The following NCK2 variants were observed in gnomAD, a reference collection of about 807,000 sequenced individuals.
NCK2 encodes the protein NCK adaptor protein 2, also known as cytoplasmic protein NCK2.
Under a neutral mutation model 33.9 loss-of-function variants are expected in NCK2, and 16 were observed. The ratio of observed to expected loss-of-function variants is 0.47; its 90% confidence interval spans 0.32 to 0.72. The LOEUF (loss-of-function observed/expected upper bound fraction) is 0.72. NCK2 is among the 30% of genes least tolerant of loss of function. The probability of loss-of-function intolerance (pLI) is 0.03; values close to 1 mark genes in which losing one functional copy is unlikely to be tolerated. For synonymous variants in NCK2, 273 were observed against 239.9 expected (o/e 1.14, Z -1.27); for missense variants, 418 against 537.3 (o/e 0.78, Z 2.19).
At position 105,779,786 on chromosome 2, in the gene NCK2, C is replaced by T. The variant is rs545833145; in HGVS notation, c.-201+34648C>T. On this transcript the variant is annotated intron_variant, in intron 1 of 4. Coordinates refer to ENST00000233154, the MANE Select transcript of NCK2 (RefSeq NM_003581.5). ...CTCACATACATATACATAGTAATTCCCTAGCAGAAATGTAGCTTTGTAGAG... is the reference window on the plus strand; with the variant it reads ...CTCACATACATATACATAGTAATTCTCTAGCAGAAATGTAGCTTTGTAGAG... 2.0e-5 allele frequency among the ~76,000 whole-genome samples: 3 copies of T among 152,218 alleles called. No homozygotes were observed. In the South Asian group the frequency reaches 6.2e-4, roughly 32 times the overall value.
At chr2:105,789,690 A>T (rs1299890042) in intron 1 of NCK2, among the ~76,000 whole-genome samples, 1 of 152,020 alleles carries the variant, frequency 6.6e-6, no homozygotes. Context: ...GCTGGTGAGG[A>T]CCTTGCTCCC....
chr2:105,791,311 T>C (rs1690875355), intron 1 of NCK2, among the ~76,000 whole-genome samples: 1 of 152,190 alleles, frequency 6.6e-6, no homozygotes, highest in African/African-American at 2.4e-5. Flanking sequence ...CTGGTCATTT[T>C]TTACCTCTCC....
chr2:105,891,848 A>G (rs985796009), intron 4 of NCK2, among the ~76,000 whole-genome samples: 1 of 152,170 alleles, frequency 6.6e-6, no homozygotes, highest in Non-Finnish European at 1.5e-5. Flanking sequence ...CACCTGGCCA[A>G]TAAAAGACAC....
chr2:105,867,784 T>A (rs547311719), intron 3 of NCK2, among the ~76,000 whole-genome samples: 1 of 152,354 alleles, frequency 6.6e-6, no homozygotes, highest in East Asian at 1.9e-4. Flanking sequence ...TAAGATGATC[T>A]CACCCTGCTT....
chr2:105,893,117 G>A lies in NCK2; in HGVS notation c.1084G>A (p.Ala362Thr), dbSNP rs747449570. The A allele has an allele frequency of 2.7e-5, 43 of 1,613,410 alleles. No homozygotes were observed. Among genetic ancestry groups the A allele is most frequent in the Non-Finnish European group, 3.5e-5 (41 of 1,179,728 alleles). The change falls in exon 5 of 5, where the codon GCG becomes ACG. Residue 362 changes from alanine to threonine, a missense_variant. Physicochemically the swap from Ala to Thr is moderately conservative, Grantham distance 58 (BLOSUM62 0). Coordinates refer to ENST00000233154, the MANE Select transcript of NCK2 (RefSeq NM_003581.5). Reference sequence around the variant, plus strand: ...CGAGCTGGTGGAACACTACAAAAAGGCGCCCATCTTCACCAGCGAGCACGG... The same window carrying A: ...CGAGCTGGTGGAACACTACAAAAAGACGCCCATCTTCACCAGCGAGCACGG... ...MDELVEHYKK[A>T]PIFTSEHGEK...
At chr2:105,802,480 A>G (rs530331436) in intron 1 of NCK2, among the ~76,000 whole-genome samples, 1 of 152,228 alleles carries the variant, frequency 6.6e-6, no homozygotes, top group Non-Finnish European at 1.5e-5. Context: ...TGGTGCCAGC[A>G]TCTACTTCTG....
intron 4 of NCK2, among the ~76,000 whole-genome samples, chr2:105,883,007 A>T (rs1407638126): frequency 6.6e-6 from 1 of 152,160 alleles, no homozygotes; most frequent in Non-Finnish European, 1.5e-5. Context: ...GGTCCTGTTG[A>T]CTGATCAGAG....
intron 2 of NCK2, among the ~76,000 whole-genome samples, chr2:105,823,615 AAG>A (rs1675831719): frequency 6.6e-6 from 1 of 151,972 alleles, no homozygotes; most frequent in Admixed American, 6.5e-5. Context: ...CATGTTAACA[AAG>A]AGTATATTAA....
At chr2:105,822,989 G>A (rs1228477111) in intron 2 of NCK2, among the ~76,000 whole-genome samples, 1 of 151,998 alleles carries the variant, frequency 6.6e-6, no homozygotes, top group African/African-American at 2.4e-5. Flanking sequence ...TGTGGCGGAT[G>A]TGTATGTAAG....
At chr2:105,861,903 T>TCCTCCCTCCCTCCCTCCCTC (rs148839655) in intron 3 of NCK2, among the ~76,000 whole-genome samples, 32 of 114,884 alleles carry the variant, frequency 2.8e-4, no homozygotes, top group African/African-American at 1.1e-3. Context: ...TGGAATTCTT[T>TCCTCCCTCCCTCCCTCCCTC]CCTCCCTCCC....
chr2:105,815,399 A>G (rs6747023), intron 1 of NCK2, among the ~76,000 whole-genome samples: 46,018 of 152,166 alleles, frequency 0.3, 7,965 homozygotes, highest in South Asian at 0.4. Flanking sequence ...AACATTTTGG[A>G]TCATAATCAT....
chr2:105,770,124 T>TAAAA (rs76726445), intron 1 of NCK2, among the ~76,000 whole-genome samples: 1 of 126,754 alleles, frequency 7.9e-6, no homozygotes. Flanking sequence ...CACTAATAAG[T>TAAAA]AAAAAAAAAA....
intron 4 of NCK2, among the ~76,000 whole-genome samples, chr2:105,890,632 A>AC (rs374498098): frequency 2.8e-3 from 430 of 152,290 alleles, no homozygotes; most frequent in African/African-American, 9.9e-3. Flanking sequence ...TCTATTTGAG[A>AC]CAGAGGCATG....
At chr2:105,770,343 C>G (rs1690092971) in intron 1 of NCK2, among the ~76,000 whole-genome samples, 1 of 152,160 alleles carries the variant, frequency 6.6e-6, no homozygotes, top group Non-Finnish European at 1.5e-5. Context: ...CTTAGTGGCT[C>G]TATCTAATGC....
chr2:105,852,051 G>T (rs188283550), intron 2 of NCK2, among the ~76,000 whole-genome samples: 1 of 151,208 alleles, frequency 6.6e-6, no homozygotes, highest in Non-Finnish European at 1.5e-5. Flanking sequence ...TAGAATCTTA[G>T]AATTCTGAGT....
At chr2:105,846,384 T>C (rs1676855470) in intron 2 of NCK2, 1 of 152,044 alleles carries the variant, frequency 6.6e-6, no homozygotes, top group Non-Finnish European at 1.5e-5. Context: ...GAAAACTGGA[T>C]GATAAACTCA....
intron 1 of NCK2, among the ~76,000 whole-genome samples, chr2:105,801,726 G>A (rs1011480772): frequency 5.3e-5 from 8 of 152,062 alleles, no homozygotes; most frequent in African/African-American, 1.9e-4. Context: ...AGTGGCCCTC[G>A]GCTCAGTCCC....
Position 105,855,225 on chromosome 2 carries a change from C to G in NCK2, c.162C>G (p.Asn54Lys). The G allele has an allele frequency of 6.2e-7, 1 of 1,613,870 alleles. No individual in the cohort carries two copies. The highest frequency in any genetic ancestry group is 8.5e-7 in the Non-Finnish European group (1 of 1,179,936). ...ACAGGACGGGCTATGTACCGTCCAA[C>G]TACGTGGAGCGGAAGAACAGCCTGA... ...AANRTGYVPS[N>K]YVERKNSLKK... Residue 54 changes from asparagine (N) to lysine (K), a missense_variant, in exon 3 of 5, where the codon AAC (asparagine) becomes AAG (lysine). By Grantham distance (94) the Asn-to-Lys change is moderately conservative (BLOSUM62 0). Coordinates refer to ENST00000233154, the MANE Select transcript of NCK2 (RefSeq NM_003581.5).
intron 2 of NCK2, among the ~76,000 whole-genome samples, chr2:105,850,636 GT>G (rs1031264536): frequency 3.9e-5 from 6 of 152,138 alleles, no homozygotes; most frequent in Non-Finnish European, 7.3e-5. Context: ...CAAAAATTAG[GT>G]TTCCTTGAAC....
Sources: allele counts gnomAD v4.1 joint callset (sites outside exome capture counted in the v4.1 genomes callset), GRCh38; gene constraint gnomAD v4.1.1; transcripts MANE v1.5; gene names NCBI Gene and HGNC (gene_info 2026-07-23, HGNC 2026-07-21).